TMEM135: variants seen among roughly 807,000 people sequenced by gnomAD.
The protein encoded by TMEM135 is transmembrane protein 135, also known as peroxisomal membrane protein 52.
Under a neutral mutation model 60.3 loss-of-function variants are expected in TMEM135, and 30 were observed. The ratio of observed to expected loss-of-function variants is 0.50; its 90% CI spans 0.37 to 0.68. The LOEUF is 0.68. Ranked by LOEUF, TMEM135 falls within the 30% of genes least tolerant of loss-of-function variation. The probability of loss-of-function intolerance (pLI) is 0.00; values close to 1 mark genes in which losing one functional copy is unlikely to be tolerated. For missense variants in TMEM135, 468 were observed against 548.8 expected (o/e 0.85, Z 1.47); for synonymous variants, 190 against 186.7 (o/e 1.02, Z -0.14).
At chr11:87,137,810 G>A (rs1480190924) in intron 4 of TMEM135, among the ~76,000 whole-genome samples, 3 of 151,992 alleles carry the variant, frequency 2.0e-5, no homozygotes, top group Non-Finnish European at 4.4e-5. Flanking sequence ...ATGTTGTTAC[G>A]TCATGTCACA....
At chr11:87,192,409 C>G (rs1049412731) in intron 5 of TMEM135, among the ~76,000 whole-genome samples, 1 of 151,580 alleles carries the variant, frequency 6.6e-6, no homozygotes, top group African/African-American at 2.4e-5. Flanking sequence ...CTTTTTTTTG[C>G]TGTAAGTCAA....
At chr11:87,097,019 CAG>C (rs1857345683) in intron 4 of TMEM135, among the ~76,000 whole-genome samples, 2 of 144,460 alleles carry the variant, frequency 1.4e-5, no homozygotes, top group African/African-American at 5.2e-5. Context: ...TTTTTCAAGA[CAG>C]GGTCTGGCTC....
In TMEM135 at chr11:87,193,223, C is replaced by T. The variant is rs965308869; in HGVS notation, c.462+35817C>T. Among the ~76,000 whole-genome samples, 7 of 152,222 alleles carry T rather than the reference C, an allele frequency of 4.6e-5. No homozygotes were observed. The East Asian group carries it at 1.4e-3, about 29-fold the overall frequency. ...TGGAGTGGAGACAACAAGGTACCTG[C>T]TCTTGAGGAGCTTGTGTCTAGCAGA... is the stretch of plus-strand genomic sequence containing the variant. On this transcript the variant is annotated intron_variant, in intron 5 of 14. Transcript: ENST00000305494.
chr11:87,237,617 A>C (rs1190006186), intron 6 of TMEM135, among the ~76,000 whole-genome samples: 1 of 151,954 alleles, frequency 6.6e-6, no homozygotes, highest in East Asian at 1.9e-4. Context: ...TGTACATGAG[A>C]TGTTTTGATA....
intron 3 of TMEM135, among the ~76,000 whole-genome samples, chr11:87,090,479 CAT>C (rs1857183016): frequency 6.6e-6 from 1 of 151,968 alleles, no homozygotes; most frequent in Non-Finnish European, 1.5e-5. Context: ...GAAGATTCGG[CAT>C]ATTTAAATGA....
intron 10 of TMEM135, among the ~76,000 whole-genome samples, chr11:87,310,789 G>T (rs184519244): frequency 8.0e-5 from 12 of 149,332 alleles, no homozygotes; most frequent in African/African-American, 3.0e-4. Context: ...GAAAAAAATA[G>T]ATTTTTTTTT....
intron 12 of TMEM135, 137 bp from the exon 13 acceptor site, chr11:87,318,000 G>C: frequency 2.9e-6 from 2 of 700,528 alleles, no homozygotes; most frequent in South Asian, 1.6e-5. Flanking sequence ...ACATCATTAT[G>C]AAAAATGTGA....
intron 6 of TMEM135, among the ~76,000 whole-genome samples, chr11:87,277,815 C>T (rs532961738): frequency 6.6e-5 from 10 of 152,138 alleles, no homozygotes; most frequent in African/African-American, 2.2e-4. Flanking sequence ...AGCCACCATG[C>T]CCGGCCAACT....
At chr11:87,316,030 T>C (rs186387772) in intron 12 of TMEM135, among the ~76,000 whole-genome samples, 1 of 152,068 alleles carries the variant, frequency 6.6e-6, no homozygotes, top group African/African-American at 2.4e-5. Flanking sequence ...TTCTCTGTAA[T>C]GGCTCCTAGT....
intron 1 of TMEM135, among the ~76,000 whole-genome samples, chr11:87,052,844 G>T (rs999585593): frequency 1.1e-5 from 1 of 92,478 alleles, no homozygotes. Context: ...AAATCATGCT[G>T]CTATAAAGAC....
intron 5 of TMEM135, among the ~76,000 whole-genome samples, chr11:87,217,982 C>G (rs1940538238): frequency 6.6e-6 from 1 of 152,028 alleles, no homozygotes; most frequent in African/African-American, 2.4e-5. Flanking sequence ...ATGAGTGTTC[C>G]AAGTCTTTAA....
rs1940978974 is a variant in TMEM135 at position 87,235,617 on chromosome 11, A to G, written c.463-1021A>G. On this transcript the variant is annotated intron_variant, in intron 5 of 14. Coordinates refer to ENST00000305494, the MANE Select transcript of TMEM135 (RefSeq NM_022918.4). ...GTTCTTGTGGTCACCCTTTCACAAT[A>G]GAAAGAAGGTTCATTTCTTATTTGT... Among the ~76,000 whole-genome samples the G allele has an allele frequency of 2.0e-5, 3 of 152,120 alleles. No individual in the cohort carries two copies. The South Asian group carries it at 6.2e-4, about 32-fold the overall frequency.
intron 6 of TMEM135, among the ~76,000 whole-genome samples, chr11:87,257,774 A>T (rs1941558756): frequency 6.6e-6 from 1 of 151,938 alleles, no homozygotes; most frequent in African/African-American, 2.4e-5. Flanking sequence ...GGTTGATGAA[A>T]ATGTTCTAAA....
At chr11:87,259,233 G>A in intron 6 of TMEM135, 2 of 475,866 alleles carry the variant, frequency 4.2e-6, no homozygotes, top group Non-Finnish European at 7.8e-6. Flanking sequence ...TTCCTCCGGG[G>A]ATAGGGGTTC....
chr11:87,190,535 T>G (rs1275768833), intron 5 of TMEM135, among the ~76,000 whole-genome samples: 1 of 152,166 alleles, frequency 6.6e-6, no homozygotes, highest in African/African-American at 2.4e-5. Context: ...TCTGTAGGTA[T>G]TTGTTGGCAA....
intron 5 of TMEM135, among the ~76,000 whole-genome samples, chr11:87,171,657 A>T (rs1939240262): frequency 6.6e-6 from 1 of 152,156 alleles, no homozygotes; most frequent in Non-Finnish European, 1.5e-5. Flanking sequence ...TGATTAGATG[A>T]TCTTTAAGGT....
At chr11:87,064,167 C>T (rs1856599303) in intron 1 of TMEM135, among the ~76,000 whole-genome samples, 1 of 151,932 alleles carries the variant, frequency 6.6e-6, no homozygotes. Flanking sequence ...CAGTTCTTGG[C>T]ATTTTAGCCA....
At chr11:87,287,824 T>G (rs758116723) in intron 6 of TMEM135, among the ~76,000 whole-genome samples, 1 of 152,220 alleles carries the variant, frequency 6.6e-6, no homozygotes, top group African/African-American at 2.4e-5. Context: ...TGTGCCTCTT[T>G]CTAGCAAAAC....
intron 6 of TMEM135, among the ~76,000 whole-genome samples, chr11:87,283,989 T>C (rs1196596746): frequency 1.3e-5 from 2 of 152,248 alleles, no homozygotes; most frequent in African/African-American, 4.8e-5. Context: ...TTGAGGTCTT[T>C]AAAAAATAGA....
Sources: gnomAD v4.1 joint callset for allele counts (sites outside exome capture counted in the v4.1 genomes callset) on GRCh38, gnomAD v4.1.1 for gene constraint, MANE v1.5 for transcripts, NCBI Gene and HGNC (gene_info 2026-07-23, HGNC 2026-07-21) for gene names.